LRRTM4: variants seen among roughly 807,000 people sequenced by gnomAD.
The protein encoded by LRRTM4 is leucine rich repeat transmembrane neuronal 4.
Under a neutral mutation model 47.6 loss-of-function variants are expected in LRRTM4, and 25 were observed. That is an observed-to-expected ratio of 0.53 (90% confidence interval 0.38 to 0.73). The LOEUF (loss-of-function observed/expected upper bound fraction) is 0.73, where lower values mean the gene tolerates loss of function less well. LRRTM4 is among the 30% of genes least tolerant of loss of function. The pLI, the probability that LRRTM4 is intolerant of heterozygous loss-of-function variation, is 0.00. For missense variants in LRRTM4, 638 were observed against 713.4 expected, an observed-to-expected ratio of 0.89 and a Z score of 1.20; for synonymous variants, 311 against 269.5, an observed-to-expected ratio of 1.15 and a Z score of -1.51.
intron 3 of LRRTM4, among the ~76,000 whole-genome samples, chr2:77,508,534 C>A (rs891136078): frequency 6.6e-6 from 1 of 152,120 alleles, no homozygotes; most frequent in African/African-American, 2.4e-5. Flanking sequence ...TTTTCTCAAG[C>A]AAATGTAACA....
At chr2:77,168,402 G>GT (rs531234378) in intron 3 of LRRTM4, among the ~76,000 whole-genome samples, 42 of 151,758 alleles carry the variant, frequency 2.8e-4, no homozygotes, top group African/African-American at 2.9e-4. Context: ...TACATTTCTA[G>GT]TTTTTTGTTA....
At chr2:77,333,939 C>G (rs548665895) in intron 3 of LRRTM4, among the ~76,000 whole-genome samples, 37 of 152,316 alleles carry the variant, frequency 2.4e-4, no homozygotes, top group African/African-American at 6.7e-4. Context: ...TGCCTAAGAC[C>G]ATGGGAACCC....
intron 3 of LRRTM4, among the ~76,000 whole-genome samples, chr2:76,755,102 A>C (rs1006078898): frequency 1.3e-5 from 2 of 152,270 alleles, no homozygotes; most frequent in Admixed American, 6.5e-5. Context: ...GGACTATATC[A>C]TGTGGTCCCT....
At chr2:77,466,263 T>G (rs955953518) in intron 3 of LRRTM4, among the ~76,000 whole-genome samples, 1 of 152,198 alleles carries the variant, frequency 6.6e-6, no homozygotes, top group African/African-American at 2.4e-5. Context: ...TCTGCAGAAT[T>G]CTGATTTCTA....
chr2:77,366,775 T>C (rs997502592), intron 3 of LRRTM4, among the ~76,000 whole-genome samples: 2 of 151,846 alleles, frequency 1.3e-5, no homozygotes, highest in African/African-American at 2.4e-5. Flanking sequence ...TCAAGAACTA[T>C]ATTTATTAAA....
At chr2:77,291,935 C>A (rs1676834927) in intron 3 of LRRTM4, among the ~76,000 whole-genome samples, 1 of 151,626 alleles carries the variant, frequency 6.6e-6, no homozygotes, top group Non-Finnish European at 1.5e-5. Context: ...AAAATTTTCG[C>A]AATCTACTCA....
chr2:77,446,554 T>C (rs1676060137), intron 3 of LRRTM4, among the ~76,000 whole-genome samples: 1 of 152,114 alleles, frequency 6.6e-6, no homozygotes, highest in African/African-American at 2.4e-5. Context: ...TTTGCAATAA[T>C]TAGCCCTTTG....
chr2:77,519,037 T>C lies in LRRTM4; in HGVS notation c.832A>G (p.Asn278Asp). The change falls in exon 3 of 4, where the codon AAT becomes GAT. Residue 278 changes from asparagine (N) to aspartate (D), a missense_variant. Physicochemically the swap from Asn to Asp is conservative, Grantham distance 23 (BLOSUM62 1). Transcript: ENST00000409884. This position sits in a 1 kb window ranked among gnomAD's most constrained non-coding sequence, Gnocchi z 4.6. ...GAATCCAAATTCAATTTTTGTAAAT[T>C]GGGGAGGCATTTAAATGTGCCCGGC... ...IEPGTFKCLP[N>D]LQKLNLDSNK... 1 of 1,612,188 alleles carries C rather than the reference T, an allele frequency of 6.2e-7. No homozygotes were observed. Among genetic ancestry groups the C allele is most frequent in the Non-Finnish European group, 8.5e-7 (1 of 1,179,046 alleles).
At chr2:77,183,489 T>G (rs1257542742) in intron 3 of LRRTM4, among the ~76,000 whole-genome samples, 1 of 152,160 alleles carries the variant, frequency 6.6e-6, no homozygotes, top group Non-Finnish European at 1.5e-5. Context: ...GGTGGGACTG[T>G]AAACTAGTTC....
At chr2:76,915,024 CAA>C (rs1396606205) in intron 3 of LRRTM4, among the ~76,000 whole-genome samples, 1 of 151,812 alleles carries the variant, frequency 6.6e-6, no homozygotes, top group Non-Finnish European at 1.5e-5. Context: ...CCGAATCAGG[CAA>C]AGAGTGCCAT....
intron 3 of LRRTM4, among the ~76,000 whole-genome samples, chr2:76,798,718 A>T (rs1331439058): frequency 6.6e-6 from 1 of 150,938 alleles, no homozygotes; most frequent in Non-Finnish European, 1.5e-5. Flanking sequence ...ACTAATAAAG[A>T]AGAAAAGAGA....
chr2:76,856,381 C>T (rs1672151198), intron 3 of LRRTM4, among the ~76,000 whole-genome samples: 1 of 151,878 alleles, frequency 6.6e-6, no homozygotes, highest in African/African-American at 2.4e-5. Context: ...GATATAATAT[C>T]CACTATGGTT....
At chr2:77,290,511 C>CA (rs1305265664) in intron 3 of LRRTM4, among the ~76,000 whole-genome samples, 2 of 151,460 alleles carry the variant, frequency 1.3e-5, no homozygotes, top group African/African-American at 4.8e-5. Context: ...CTACAGTTAA[C>CA]AAAAAATTTA....
At chr2:77,183,317 G>A (rs1052302762) in intron 3 of LRRTM4, among the ~76,000 whole-genome samples, 5 of 152,184 alleles carry the variant, frequency 3.3e-5, no homozygotes, top group East Asian at 1.9e-4. Context: ...GCAGCCAAAC[G>A]ACACATGAAA....
chr2:77,084,567 T>G (rs560967933), intron 3 of LRRTM4, among the ~76,000 whole-genome samples: 54 of 152,344 alleles, frequency 3.5e-4, no homozygotes, highest in African/African-American at 1.3e-3. Flanking sequence ...GTTTTAACAA[T>G]TGTCTACATC....
At chr2:77,187,117 G>A (rs1158420593) in intron 3 of LRRTM4, among the ~76,000 whole-genome samples, 1 of 151,968 alleles carries the variant, frequency 6.6e-6, no homozygotes, top group Admixed American at 6.6e-5. Flanking sequence ...TCTACAACAG[G>A]GCCACCATAT....
chr2:77,208,440 G>A (rs1674201583), intron 3 of LRRTM4, among the ~76,000 whole-genome samples: 2 of 152,166 alleles, frequency 1.3e-5, no homozygotes, highest in African/African-American at 4.8e-5. Flanking sequence ...CAGGAGTGAA[G>A]ATCCAGAGCA....
At chr2:76,898,931 G>C (rs185838841) in intron 3 of LRRTM4, among the ~76,000 whole-genome samples, 3 of 151,884 alleles carry the variant, frequency 2.0e-5, no homozygotes, top group Admixed American at 2.0e-4. Context: ...CACATATTTT[G>C]AAAGGTTAAT....
At chr2:76,977,024 T>C (rs972189400) in intron 3 of LRRTM4, among the ~76,000 whole-genome samples, 1 of 151,766 alleles carries the variant, frequency 6.6e-6, no homozygotes, top group African/African-American at 2.4e-5. Context: ...TGTGTTTGTG[T>C]GTGTTTACAT....
Sources: allele counts gnomAD v4.1 joint callset (sites outside exome capture counted in the v4.1 genomes callset), GRCh38; gene constraint gnomAD v4.1.1; non-coding constraint Gnocchi (gnomAD v3.1); transcripts MANE v1.5; gene names NCBI Gene and HGNC (gene_info 2026-07-23, HGNC 2026-07-21).